LDAH: variants seen among roughly 807,000 people sequenced by gnomAD.
LDAH encodes lipid droplet associated hydrolase.
LDAH carries 26 observed loss-of-function variants against 29.6 expected under a neutral mutation model. That is an observed-to-expected ratio of 0.88 (90% CI 0.64 to 1.22). The LOEUF is 1.22. Among genes scored for constraint, LDAH ranks in the 50% most tolerant of loss-of-function variants. The pLI is 0.00. For missense variants in LDAH, 344 were observed against 387.3 expected (o/e 0.89, Z 0.94); for synonymous variants, 117 against 133.0 (o/e 0.88, Z 0.83).
chr2:20,752,858 T>A (rs1196014298), intron 4 of LDAH, among the ~76,000 whole-genome samples: 1 of 152,222 alleles, frequency 6.6e-6, no homozygotes, highest in Non-Finnish European at 1.5e-5. Flanking sequence ...TATGGCCTCA[T>A]CATGCCCAGA....
At chr2:20,709,267 G>C (rs1462410646) in intron 5 of LDAH, among the ~76,000 whole-genome samples, 2 of 152,040 alleles carry the variant, frequency 1.3e-5, no homozygotes, top group East Asian at 3.9e-4. Context: ...TTTAGACTTG[G>C]GTCCCATTCC....
intron 1 of LDAH, among the ~76,000 whole-genome samples, chr2:20,804,748 C>G (rs567394135): frequency 2.6e-5 from 4 of 152,086 alleles, no homozygotes; most frequent in Non-Finnish European, 5.9e-5. Context: ...ATTCTAACCT[C>G]TATGTTTAAC....
At chr2:20,758,677 C>A (rs1287957107) in intron 4 of LDAH, among the ~76,000 whole-genome samples, 1 of 152,088 alleles carries the variant, frequency 6.6e-6, no homozygotes, top group Non-Finnish European at 1.5e-5. Context: ...TGGGAAGAAT[C>A]AGGAAAGAGT....
intron 1 of LDAH, among the ~76,000 whole-genome samples, chr2:20,817,086 G>A (rs1050438240): frequency 6.6e-6 from 1 of 151,936 alleles, no homozygotes; most frequent in Admixed American, 6.6e-5. Context: ...GGAAATTATA[G>A]CAATAAATGC....
chr2:20,793,911 A>G (rs1390888555), intron 2 of LDAH, among the ~76,000 whole-genome samples: 3 of 152,194 alleles, frequency 2.0e-5, no homozygotes, highest in Admixed American at 1.3e-4. Context: ...ACACAGCTTC[A>G]CTGGTGAATT....
At chr2:20,728,350 G>C (rs769997414) in intron 5 of LDAH, among the ~76,000 whole-genome samples, 1 of 152,168 alleles carries the variant, frequency 6.6e-6, no homozygotes, top group South Asian at 2.1e-4. Flanking sequence ...AGCTGGACCA[G>C]ATTCCCAGCT....
At position 20,801,930 on chromosome 2, in the gene LDAH, A is replaced by ATGTGTG. The variant is rs35921690; in HGVS notation, c.-2-471_-2-466dup. Among the ~76,000 whole-genome samples the ATGTGTG allele has an allele frequency of 1.4e-3, 201 of 140,220 alleles. 1 individual carries two copies. Among genetic ancestry groups the ATGTGTG allele is most frequent in the African/African-American group, 4.6e-3 (175 of 37,752 alleles). The allele number at this position is 140,220 out of a possible 152,430, so 92.0% of individuals were successfully genotyped here. ...TTACTCTTCTCTTCTCCCAAATTCT[A>ATGTGTG]TGTGTGTGTGTGTGTGTGTGTGTGT... On this transcript the variant is annotated intron_variant, in intron 1 of 6. Transcript: ENST00000237822.
At chr2:20,764,587 T>C (rs2124972514) in intron 4 of LDAH, among the ~76,000 whole-genome samples, 1 of 152,360 alleles carries the variant, frequency 6.6e-6, no homozygotes, top group South Asian at 2.1e-4. Flanking sequence ...TTTCTCTCAG[T>C]TCTCTCTGAA....
At chr2:20,742,891 C>T (rs1169540698) in intron 4 of LDAH, among the ~76,000 whole-genome samples, 1 of 149,090 alleles carries the variant, frequency 6.7e-6, no homozygotes, top group Non-Finnish European at 1.5e-5. Context: ...TTCTGAGTAG[C>T]TGGGGCTACA....
intron 2 of LDAH, among the ~76,000 whole-genome samples, chr2:20,796,998 T>C (rs1013255307): frequency 9.9e-5 from 15 of 152,218 alleles, no homozygotes; most frequent in Admixed American, 2.0e-4. Context: ...GAGTTTAAGA[T>C]AATGTTTCTA....
chr2:20,798,621 A>T (rs1308575095), intron 2 of LDAH, among the ~76,000 whole-genome samples: 1 of 149,880 alleles, frequency 6.7e-6, no homozygotes, highest in Non-Finnish European at 1.5e-5. Context: ...TCATAATAAT[A>T]AAAGCACTGA....
chr2:20,800,781 G>A (rs566687253), intron 2 of LDAH, among the ~76,000 whole-genome samples: 25 of 152,114 alleles, frequency 1.6e-4, no homozygotes, highest in African/African-American at 5.8e-4. Flanking sequence ...CTATAGGCAT[G>A]TGCCACCACG....
chr2:20,819,995 G>GA (rs1673140388), intron 1 of LDAH, among the ~76,000 whole-genome samples: 1 of 151,830 alleles, frequency 6.6e-6, no homozygotes, highest in Admixed American at 6.6e-5. Context: ...GCCAAATCAT[G>GA]AGTGAACTCC....
intron 6 of LDAH, among the ~76,000 whole-genome samples, chr2:20,697,848 G>A (rs1352909318): frequency 2.0e-5 from 3 of 152,098 alleles, no homozygotes. Context: ...AGGAATACAG[G>A]CAACAAGCTA....
chr2:20,743,659 C>G (rs1025990654), intron 4 of LDAH, among the ~76,000 whole-genome samples: 1 of 152,102 alleles, frequency 6.6e-6, no homozygotes, highest in Admixed American at 6.6e-5. Flanking sequence ...TGTTTATTCC[C>G]TCTCTGATGC....
intron 5 of LDAH, among the ~76,000 whole-genome samples, chr2:20,706,704 T>TAA (rs72339311): frequency 8.5e-6 from 1 of 118,328 alleles, no homozygotes; most frequent in South Asian, 2.5e-4. Context: ...CTGAAACAAC[T>TAA]AAAAAAAAAA....
At chr2:20,704,926 T>G (rs746254569) in intron 5 of LDAH, among the ~76,000 whole-genome samples, 1 of 152,216 alleles carries the variant, frequency 6.6e-6, no homozygotes, top group African/African-American at 2.4e-5. Flanking sequence ...ATTCTTTTGA[T>G]CCAATCTTGG....
At chr2:20,767,292 C>A (rs940019751) in intron 4 of LDAH, among the ~76,000 whole-genome samples, 9 of 152,118 alleles carry the variant, frequency 5.9e-5, no homozygotes, top group African/African-American at 1.4e-4. Flanking sequence ...CCTGGGAAGT[C>A]CCCCCTCCCT....
chr2:20,798,292 C>T (rs1453310152), intron 2 of LDAH, among the ~76,000 whole-genome samples: 1 of 152,078 alleles, frequency 6.6e-6, no homozygotes, highest in Non-Finnish European at 1.5e-5. Flanking sequence ...TGACAGAAGT[C>T]CCCAGGATGG....
Sources: allele counts gnomAD v4.1 joint callset (sites outside exome capture counted in the v4.1 genomes callset), GRCh38; gene constraint gnomAD v4.1.1; transcripts MANE v1.5; gene names NCBI Gene and HGNC (gene_info 2026-07-23, HGNC 2026-07-21).